Variants in MLLT11 observed in about 807,000 individuals in gnomAD.
MLLT11 encodes MLLT11 transcription factor 7 cofactor.
In MLLT11, 1 loss-of-function variant was observed where a neutral mutation model predicts 5.3. The ratio of observed to expected loss-of-function variants is 0.19; its 90% confidence interval spans 0.07 to 0.89. The LOEUF (loss-of-function observed/expected upper bound fraction) is 0.89, where lower values mean the gene tolerates loss of function less well. Ranked by LOEUF, MLLT11 falls within the 40% of genes least tolerant of loss-of-function variation. MLLT11 has a pLI of 0.67. For synonymous variants in MLLT11, 38 were observed against 41.7 expected, an observed-to-expected ratio of 0.91 and a Z score of 0.34; for missense variants, 87 against 107.3, an observed-to-expected ratio of 0.81 and a Z score of 0.83.
In MLLT11 at chr1:151,068,880, C is replaced by G. The variant is rs754471694; in HGVS notation, c.*1383C>G. 6.6e-6 allele frequency among the ~76,000 whole-genome samples: 1 copy of G among 152,220 alleles called. No homozygotes were observed. On this transcript the variant is annotated 3_prime_UTR_variant, in exon 2 of 2. Coordinates refer to ENST00000368921, the MANE Select transcript of MLLT11 (RefSeq NM_006818.4). Reference sequence around the variant, plus strand: ...GATTACAGGCGTGAGCCACTGAGCCCGGCCTCATTTTATCTTTCTATAATA... The same window carrying G: ...GATTACAGGCGTGAGCCACTGAGCCGGGCCTCATTTTATCTTTCTATAATA...
chr1:151,066,340 T>C lies in MLLT11; in HGVS notation c.-6-879T>C, dbSNP rs184740988. On this transcript the variant is annotated intron_variant, in intron 1 of 1. Transcript: ENST00000368921. Reference sequence around the variant, plus strand: ...TTTTAGTAGAGGCAGGGTTTCCCCATGTTGGACAGGCTGGTCTCAAACTCC... The same window carrying C: ...TTTTAGTAGAGGCAGGGTTTCCCCACGTTGGACAGGCTGGTCTCAAACTCC... Among the ~76,000 whole-genome samples, 169 of 152,142 alleles carry C rather than the reference T, an allele frequency of 1.1e-3. 2 individuals carry two copies. Among genetic ancestry groups the C allele is most frequent in the African/African-American group, 3.7e-3 (153 of 41,496 alleles).
At chr1:151,063,724 C>T (rs993749634) in intron 1 of MLLT11, among the ~76,000 whole-genome samples, 4 of 152,110 alleles carry the variant, frequency 2.6e-5, no homozygotes, top group African/African-American at 9.7e-5. Flanking sequence ...CACGCCCGAC[C>T]ACAACTAATG....
At chr1:151,066,103 G>C (rs1676473064) in intron 1 of MLLT11, among the ~76,000 whole-genome samples, 3 of 152,178 alleles carry the variant, frequency 2.0e-5, no homozygotes, top group South Asian at 4.1e-4. Flanking sequence ...GCCTCCCAAA[G>C]TGCTGGGAAT....
chr1:151,066,872 C>T (rs951346767), intron 1 of MLLT11, among the ~76,000 whole-genome samples: 6 of 151,584 alleles, frequency 4.0e-5, no homozygotes, highest in African/African-American at 7.3e-5. Flanking sequence ...TTGCAGTGAG[C>T]CAAGATCGTG....
intron 1 of MLLT11, among the ~76,000 whole-genome samples, chr1:151,063,426 T>C (rs1283539377): frequency 6.6e-6 from 1 of 151,858 alleles, no homozygotes; most frequent in Non-Finnish European, 1.5e-5. Flanking sequence ...TTTTTATTTA[T>C]TTATTATTAT....
At chr1:151,065,775 A>G (rs995720111) in intron 1 of MLLT11, among the ~76,000 whole-genome samples, 3 of 152,210 alleles carry the variant, frequency 2.0e-5, no homozygotes, top group African/African-American at 7.2e-5. Flanking sequence ...ATTTTTAAGT[A>G]TAATAGGAGT....
chr1:151,067,482 A>G lies in MLLT11; in HGVS notation c.258A>G (p.Glu86=). ...CCATTGCCAGCATCCACTCCTTCGA[A>G]CTGGACTTGCTCTAAGGCCAAGACT... ...RAPIASIHSF[E]LDLL Residue 86 remains glutamate (E), a synonymous_variant, in exon 2 of 2, where the codon GAA becomes GAG. Transcript: ENST00000368921. 6.2e-7 allele frequency: 1 copy of G among 1,613,644 alleles called. No homozygotes were observed. Among genetic ancestry groups the G allele is most frequent in the Non-Finnish European group, 8.5e-7 (1 of 1,179,950 alleles).
chr1:151,065,214 A>ATGCT (rs1222866062), intron 1 of MLLT11, among the ~76,000 whole-genome samples: 4 of 152,172 alleles, frequency 2.6e-5, no homozygotes, highest in African/African-American at 9.7e-5. Flanking sequence ...AATGCCACAT[A>ATGCT]TGCTTGCATG....
rs1358919199 is a variant in MLLT11, at chr1:151,068,767, T to C, written c.*1270T>C. Among the ~76,000 whole-genome samples the C allele has an allele frequency of 6.6e-6, 1 of 152,228 alleles. No homozygotes were observed. Among genetic ancestry groups the C allele is most frequent in the Middle Eastern group, 3.4e-3 (1 of 294 alleles). Reference sequence around the variant, plus strand: ...GCCTGGTTAATTTTTGTATTTTTCATAGAGACGGGGTTTCACCATGTTGGC... The same window carrying C: ...GCCTGGTTAATTTTTGTATTTTTCACAGAGACGGGGTTTCACCATGTTGGC... On this transcript the variant is annotated 3_prime_UTR_variant, in exon 2 of 2. Coordinates refer to ENST00000368921, the MANE Select transcript of MLLT11 (RefSeq NM_006818.4).
rs922810078 is a variant in MLLT11, at chr1:151,068,221, G to C, written c.*724G>C. On this transcript the variant is annotated 3_prime_UTR_variant, in exon 2 of 2. Transcript: ENST00000368921. ...CTGTGGGTTGAAAACTCTAGCTAAA[G>C]AAAGTTATCAAATCTTAACATGCAT... 1 of 237,724 alleles carries C rather than the reference G, an allele frequency of 4.2e-6. No homozygotes were observed. The highest frequency in any genetic ancestry group is 8.9e-6 in the Non-Finnish European group (1 of 111,780). 14.7% of individuals were successfully genotyped at this position (237,724 alleles called of 1,614,324 possible).
rs11554229 is a variant in MLLT11, at chr1:151,067,592, C to A, written c.*95C>A. ...CTTTCCCATTTTAATCTTGTTCTCT[C>A]CCTACTGTGTTGGTGGTGCTGATGA... On this transcript the variant is annotated 3_prime_UTR_variant, in exon 2 of 2. Transcript: ENST00000368921. 5.1e-6 allele frequency: 7 copies of A among 1,361,558 alleles called. No homozygotes were observed. The East Asian group carries it at 1.6e-4, about 31-fold the overall frequency. 84.3% of individuals were successfully genotyped at this position (1,361,558 alleles called of 1,614,324 possible).
chr1:151,066,643 G>A (rs587693900), intron 1 of MLLT11, among the ~76,000 whole-genome samples: 1 of 152,178 alleles, frequency 6.6e-6, no homozygotes, highest in South Asian at 2.1e-4. Flanking sequence ...GTAGAAATTC[G>A]GCCGGGCGCG....
rs1373559948 is a variant in MLLT11 at position 151,068,268 on chromosome 1, T to C, written c.*771T>C. On this transcript the variant is annotated 3_prime_UTR_variant, in exon 2 of 2. Coordinates refer to ENST00000368921, the MANE Select transcript of MLLT11 (RefSeq NM_006818.4). ...GCATTCCTACTATTATGATAGTTTT[T>C]AAGGTTTCAATTCAATCTTCTGAAC... 8.6e-6 allele frequency: 2 copies of C among 232,360 alleles called. No individual in the cohort carries two copies. Among genetic ancestry groups the C allele is most frequent in the Non-Finnish European group, 1.8e-5 (2 of 108,288 alleles). The allele number at this position is 232,360 out of a possible 1,614,324, so 14.4% of individuals were successfully genotyped here.
rs1676488696 is a variant in MLLT11, at chr1:151,067,291, G to C, written c.67G>C (p.Asp23His). ...CTGGAGGATGCCCATCCCAGAACTG[G>C]ATCTGTCGGAGCTGGAAGGCCTGGG... is the stretch of plus-strand genomic sequence containing the variant. The part of the protein sequence containing the change: ...LFWRMPIPEL[D>H]LSELEGLGLS... Residue 23 changes from aspartate to histidine, a missense_variant, in exon 2 of 2, where the codon GAT (aspartate) becomes CAT (histidine). Physicochemically the swap from Asp to His is moderately conservative, Grantham distance 81. Transcript: ENST00000368921. 1 of 1,613,922 alleles carries C rather than the reference G, an allele frequency of 6.2e-7. No homozygotes were observed. The highest frequency in any genetic ancestry group is 1.3e-5 in the African/African-American group (1 of 74,862).
At chr1:151,066,553 G>C (rs1000745137) in intron 1 of MLLT11, among the ~76,000 whole-genome samples, 1 of 152,198 alleles carries the variant, frequency 6.6e-6, no homozygotes, top group African/African-American at 2.4e-5. Flanking sequence ...ATTTTGGAAG[G>C]CCTTGAAAAT....
At position 151,068,150 on chromosome 1, in the gene MLLT11, G is replaced by C. The variant is rs998670485; in HGVS notation, c.*653G>C. 1 of 240,234 alleles carries C rather than the reference G, an allele frequency of 4.2e-6. No homozygotes were observed. Among genetic ancestry groups the C allele is most frequent in the Non-Finnish European group, 8.8e-6 (1 of 113,372 alleles). The allele number at this position is 240,234 out of a possible 1,614,324, so 14.9% of individuals were successfully genotyped here. On this transcript the variant is annotated 3_prime_UTR_variant, in exon 2 of 2. Coordinates refer to ENST00000368921, the MANE Select transcript of MLLT11 (RefSeq NM_006818.4). ...AAGTAGCTAATTTCTTTTCTCAAAA[G>C]AGTGTCCCTTCTTCACACCTACTCA...
intron 1 of MLLT11, among the ~76,000 whole-genome samples, chr1:151,063,718 C>A (rs1404496170): frequency 6.6e-6 from 1 of 152,228 alleles, no homozygotes; most frequent in African/African-American, 2.4e-5. Context: ...AGCCACCACG[C>A]CCGACCACAA....
intron 1 of MLLT11, among the ~76,000 whole-genome samples, chr1:151,063,694 G>C (rs1003312019): frequency 1.3e-5 from 2 of 152,182 alleles, no homozygotes; most frequent in Non-Finnish European, 1.5e-5. Flanking sequence ...CAAAGTGCTG[G>C]GATTACAGGC....
At chr1:151,061,486 C>T (rs587675755) in intron 1 of MLLT11, among the ~76,000 whole-genome samples, 1 of 152,238 alleles carries the variant, frequency 6.6e-6, no homozygotes, top group South Asian at 2.1e-4. Flanking sequence ...TTAGATATTG[C>T]CTTTGCCTAA....
Sources: allele counts gnomAD v4.1 joint callset (sites outside exome capture counted in the v4.1 genomes callset), GRCh38; gene constraint gnomAD v4.1.1; transcripts MANE v1.5; gene names NCBI Gene and HGNC (gene_info 2026-07-23, HGNC 2026-07-21).